Variants in DYNC2I2 observed in about 807,000 individuals in gnomAD.
DYNC2I2 encodes the protein dynein 2 intermediate chain 2, also known as cytoplasmic dynein 2 intermediate chain 2.
Under a neutral mutation model 52.0 loss-of-function variants are expected in DYNC2I2, and 39 were observed. The observed-to-expected ratio is 0.75, with a 90% CI of 0.58 to 0.98. The LOEUF (loss-of-function observed/expected upper bound fraction) is 0.98, where lower values mean the gene tolerates loss of function less well. Ranked by LOEUF, DYNC2I2 falls within the 50% of genes least tolerant of loss-of-function variation. The pLI, the probability that DYNC2I2 is intolerant of heterozygous loss-of-function variation, is 0.00. For missense variants in DYNC2I2, 743 were observed against 728.4 expected (o/e 1.02, Z -0.23); for synonymous variants, 359 against 321.1 (o/e 1.12, Z -1.26).
intron 1 of DYNC2I2, among the ~76,000 whole-genome samples, chr9:128,649,078 A>G (rs1390622727): frequency 2.0e-5 from 3 of 152,224 alleles, no homozygotes; most frequent in Non-Finnish European, 2.9e-5. Flanking sequence ...CCACTGGGAA[A>G]AAGTTCAATA....
At chr9:128,665,483 G>A in the DYNC2I2 span, among the ~76,000 whole-genome samples, 22 of 151,992 alleles carry the variant, frequency 1.4e-4, no homozygotes, top group African/African-American at 5.3e-4. Context: ...AAACAAATGT[G>A]TTGGGACCAG....
At chr9:128,656,307 GTT>G (rs1450584780) in intron 1 of DYNC2I2, among the ~76,000 whole-genome samples, 2 of 152,206 alleles carry the variant, frequency 1.3e-5, no homozygotes, top group African/African-American at 4.8e-5. Flanking sequence ...CCTTGGAGGT[GTT>G]TTGTTTTTCC....
chr9:128,638,247 G>C (rs945382249), intron 2 of DYNC2I2, among the ~76,000 whole-genome samples: 1 of 150,864 alleles, frequency 6.6e-6, no homozygotes, highest in African/African-American at 2.4e-5. Context: ...GGCCAGGCCT[G>C]GTGGCTCATG....
chr9:128,656,345 G>GA (rs1233130633), intron 1 of DYNC2I2, among the ~76,000 whole-genome samples, 196 bp downstream of exon 1: 1 of 151,952 alleles, frequency 6.6e-6, no homozygotes, highest in Non-Finnish European at 1.5e-5. Context: ...AAAATGGGCC[G>GA]AAAGTATCCT....
In DYNC2I2 at chr9:128,640,002, A is replaced by G. The variant is rs183476071; in HGVS notation, c.435+689T>C. 9.2e-3 allele frequency among the ~76,000 whole-genome samples: 1,069 copies of G among 116,434 alleles called. 8 individuals carry two copies. Among genetic ancestry groups the G allele is most frequent in the Admixed American group, 0.015 (148 of 9,916 alleles). The allele number at this position is 116,434 out of a possible 152,430, so 76.4% of individuals were successfully genotyped here. A position where few individuals can be genotyped will look rare whatever the true frequency, so the allele number is the denominator to read the frequency against. ...TTTTGAGGAGTGAAGAAGATACCACAGGAGACATTCTTTTTTTTTTTTTGA... is the reference window on the plus strand; with the variant it reads ...TTTTGAGGAGTGAAGAAGATACCACGGGAGACATTCTTTTTTTTTTTTTGA... On this transcript the variant is annotated intron_variant, in intron 2 of 8. Coordinates refer to ENST00000372715, the MANE Select transcript of DYNC2I2 (RefSeq NM_052844.4).
intron 1 of DYNC2I2, among the ~76,000 whole-genome samples, chr9:128,655,676 G>A (rs913303104): frequency 5.3e-5 from 8 of 151,498 alleles, no homozygotes; most frequent in African/African-American, 1.7e-4. Context: ...TTGGAAGGCC[G>A]AGGAGGGCGG....
chr9:128,678,818 C>T, the DYNC2I2 span, among the ~76,000 whole-genome samples: 1 of 151,630 alleles, frequency 6.6e-6, no homozygotes, highest in African/African-American at 2.4e-5. Flanking sequence ...ACCTGTAATC[C>T]CAGCACTTTG....
the DYNC2I2 span, among the ~76,000 whole-genome samples, chr9:128,675,364 A>G: frequency 1.2e-4 from 19 of 152,006 alleles, no homozygotes; most frequent in Admixed American, 7.9e-4. Flanking sequence ...TTTAGTAGAG[A>G]TGAGGTTTCA....
At chr9:128,669,100 T>G in the DYNC2I2 span, among the ~76,000 whole-genome samples, 1 of 151,874 alleles carries the variant, frequency 6.6e-6, no homozygotes, top group Admixed American at 6.6e-5. Flanking sequence ...GTGTGGTGGC[T>G]CACACCTGTA....
In DYNC2I2 at chr9:128,634,354, CCGTCAG is replaced by C; in HGVS notation, c.1238_1243del (p.Thr413_Gly415delinsArg). 1 of 1,604,364 alleles carries C rather than the reference CCGTCAG, an allele frequency of 6.2e-7. No homozygotes were observed. Among genetic ancestry groups the C allele is most frequent in the Non-Finnish European group, 8.5e-7 (1 of 1,176,300 alleles). On this transcript the variant is annotated inframe_deletion, in exon 8 of 9. Transcript: ENST00000372715. The stretch of plus-strand genomic sequence containing the variant: ...CAGCATGGAGTACAGGTGGACATGC[CCGTCAG>C]TCCCAGCGCTCAGGAAGAGATTCCT...
At position 128,636,999 on chromosome 9, in the gene DYNC2I2, G is replaced by A. The variant is rs775372053; in HGVS notation, c.464C>T (p.Pro155Leu). 1.4e-5 allele frequency: 23 copies of A among 1,613,182 alleles called. No individual in the cohort carries two copies. The highest frequency in any genetic ancestry group is 8.8e-5 in the South Asian group (8 of 91,072). ...ATGCAGACCCTGCGCTTGGGCTGGC[G>A]GGTAGCCCAGGGTATACAGACAAGA... ...MVSCLYTLGY[P>L]PAQAQGLHVT... The change falls in exon 3 of 9, where the codon CCG (proline) becomes CTG (leucine). Residue 155 changes from proline (P) to leucine (L), a missense_variant. Coordinates refer to ENST00000372715, the MANE Select transcript of DYNC2I2 (RefSeq NM_052844.4).
chr9:128,641,976 T>TATAC lies in DYNC2I2; in HGVS notation c.187-1038_187-1037insGTAT, dbSNP rs1554771904. On this transcript the variant is annotated intron_variant, in intron 1 of 8. Transcript: ENST00000372715. Reference sequence around the variant, plus strand: ...CAAAGCAGATGTTCATTTATATACATACACACACACACACACACACACACA... The same window carrying TATAC: ...CAAAGCAGATGTTCATTTATATACATATACACACACACACACACACACACACACA... Among the ~76,000 whole-genome samples, 425 of 147,074 alleles carry TATAC rather than the reference T, an allele frequency of 2.9e-3. 2 individuals are homozygous for TATAC. Among genetic ancestry groups the TATAC allele is most frequent in the Non-Finnish European group, 2.6e-3 (175 of 66,348 alleles).
At chr9:128,644,699 G>A (rs892168058) in intron 1 of DYNC2I2, among the ~76,000 whole-genome samples, 3 of 152,174 alleles carry the variant, frequency 2.0e-5, no homozygotes, top group African/African-American at 4.8e-5. Context: ...TGCTTCATAC[G>A]CTTTGCAGAT....
At chr9:128,668,494 G>A in the DYNC2I2 span, among the ~76,000 whole-genome samples, 132 of 151,342 alleles carry the variant, frequency 8.7e-4, no homozygotes, top group South Asian at 0.014. Flanking sequence ...ACACTCCAGC[G>A]CCAGCTTGGG....
upstream of DYNC2I2, among the ~76,000 whole-genome samples, chr9:128,658,975 C>T (rs1286304816): frequency 6.6e-6 from 1 of 151,816 alleles, no homozygotes; most frequent in African/African-American, 2.4e-5. Context: ...AAGTGAACTG[C>T]TCACTTCTAC....
the DYNC2I2 span, among the ~76,000 whole-genome samples, chr9:128,675,474 C>T: frequency 6.6e-6 from 1 of 152,172 alleles, no homozygotes; most frequent in Non-Finnish European, 1.5e-5. Flanking sequence ...GCCACCGAGC[C>T]TGGCGGAGCC....
In DYNC2I2 at chr9:128,635,654, T is replaced by C; in HGVS notation, c.813+4A>G. ...CCACCCCGCCCGGCAGCCCCTGCCCTGACCTGGGACACAGGGTCTGTGTGG... is the reference window on the plus strand; with the variant it reads ...CCACCCCGCCCGGCAGCCCCTGCCCCGACCTGGGACACAGGGTCTGTGTGG... On this transcript the variant is annotated splice_donor_region_variant and intron_variant, in intron 5 of 8. Transcript: ENST00000372715. 6.2e-7 allele frequency: 1 copy of C among 1,601,874 alleles called. No individual in the cohort carries two copies.
At chr9:128,641,212 C>A (rs986334755) in intron 1 of DYNC2I2, among the ~76,000 whole-genome samples, 2 of 152,110 alleles carry the variant, frequency 1.3e-5, no homozygotes, top group Non-Finnish European at 2.9e-5. Context: ...CCAGTGAGAC[C>A]CTGCCCCAAG....
chr9:128,655,375 G>GTGGC (rs1466310332), intron 1 of DYNC2I2, among the ~76,000 whole-genome samples: 11 of 105,308 alleles, frequency 1.0e-4, no homozygotes, highest in Non-Finnish European at 2.0e-4. Context: ...GCCGGGCGTG[G>GTGGC]TGGCGGGCGC....
Sources: gnomAD v4.1 joint callset for allele counts (sites outside exome capture counted in the v4.1 genomes callset) on GRCh38, gnomAD v4.1.1 for gene constraint, MANE v1.5 for transcripts, NCBI Gene and HGNC (gene_info 2026-07-23, HGNC 2026-07-21) for gene names.